Variants in SIPA1L1 observed in about 807,000 individuals in gnomAD.
The protein encoded by SIPA1L1 is signal-induced proliferation-associated 1-like protein 1.
Under a neutral mutation model 162.7 loss-of-function variants are expected in SIPA1L1, and 26 were observed. The ratio of observed to expected loss-of-function variants is 0.16; its 90% CI spans 0.12 to 0.22. The LOEUF (loss-of-function observed/expected upper bound fraction) is 0.22. Among genes scored for constraint, SIPA1L1 ranks in the 10% least tolerant of loss-of-function variants. The pLI is 1.00. For synonymous variants in SIPA1L1, 829 were observed against 837.4 expected (o/e 0.99, Z 0.17); for missense variants, 1,874 against 2,241.0 (o/e 0.84, Z 3.31).
chr14:71,738,968 CA>C, intron 23 of SIPA1L1, 49 bp from the exon 24 acceptor site: 1 of 1,581,666 alleles, frequency 6.3e-7, no homozygotes, highest in Non-Finnish European at 8.6e-7. Flanking sequence ...AAGAGCTGGG[CA>C]AGGTGGGGCC....
At chr14:71,669,158 C>G (rs905503648) in intron 10 of SIPA1L1, among the ~76,000 whole-genome samples, 2 of 152,170 alleles carry the variant, frequency 1.3e-5, no homozygotes, top group African/African-American at 4.8e-5. Flanking sequence ...ATTTCAGTGC[C>G]TGTATCATTT....
chr14:71,707,363 A>G (rs144400377), intron 16 of SIPA1L1, among the ~76,000 whole-genome samples: 1 of 152,298 alleles, frequency 6.6e-6, no homozygotes, highest in African/African-American at 2.4e-5. Context: ...CATAGTATTT[A>G]CCCATTTAAA....
At chr14:71,678,869 G>A (rs2045495673) in intron 12 of SIPA1L1, among the ~76,000 whole-genome samples, 1 of 151,960 alleles carries the variant, frequency 6.6e-6, no homozygotes, top group South Asian at 2.1e-4. Context: ...AGTCTTGGGA[G>A]AAGAGAAGTT....
chr14:71,541,981 G>C (rs1361585722), intron 4 of SIPA1L1, among the ~76,000 whole-genome samples: 1 of 152,118 alleles, frequency 6.6e-6, no homozygotes. Flanking sequence ...ATAACTTACT[G>C]ACTTTGGGGT....
At chr14:71,638,767 T>A (rs2041416680) in intron 7 of SIPA1L1, among the ~76,000 whole-genome samples, 1 of 152,226 alleles carries the variant, frequency 6.6e-6, no homozygotes, top group East Asian at 1.9e-4. Flanking sequence ...AATCTATAGA[T>A]AAACAACCTG....
At chr14:71,350,932 C>G (rs370935247) in intron 2 of SIPA1L1, among the ~76,000 whole-genome samples, 1 of 152,194 alleles carries the variant, frequency 6.6e-6, no homozygotes, top group African/African-American at 2.4e-5. Flanking sequence ...TGGATCTGCA[C>G]AAGCTGGAAG....
intron 21 of SIPA1L1, 67 bp downstream of exon 21, chr14:71,733,879 T>C (rs2085036247): frequency 2.0e-6 from 3 of 1,516,780 alleles, no homozygotes; most frequent in African/African-American, 1.4e-5. Flanking sequence ...CTCCATCCAC[T>C]CTACTTCTCT....
intron 23 of SIPA1L1, 92 bp downstream of exon 23, chr14:71,738,417 C>T (rs1156880741): frequency 1.1e-5 from 9 of 815,978 alleles, no homozygotes; most frequent in Admixed American, 6.5e-5. Flanking sequence ...TAAAATAAGA[C>T]GTGGGTGTCT....
At chr14:71,692,280 GT>G (rs1270989590) in intron 13 of SIPA1L1, among the ~76,000 whole-genome samples, 8 of 152,184 alleles carry the variant, frequency 5.3e-5, no homozygotes, top group Admixed American at 3.9e-4. Flanking sequence ...GAATTATTTG[GT>G]TTTTGTTGAC....
chr14:71,483,833 C>T (rs1242717342), intron 2 of SIPA1L1, among the ~76,000 whole-genome samples: 4 of 152,206 alleles, frequency 2.6e-5, no homozygotes, highest in African/African-American at 7.2e-5. Context: ...TCATCTATCA[C>T]TTCCTGCTTG....
At chr14:71,502,255 A>AAAAAT (rs67020418) in intron 2 of SIPA1L1, among the ~76,000 whole-genome samples, 5 of 97,552 alleles carry the variant, frequency 5.1e-5, no homozygotes, top group Admixed American at 3.3e-4. Context: ...AAAAAAAAAA[A>AAAAAT]ATATATATAT....
At position 71,357,080 on chromosome 14, in the gene SIPA1L1, G is replaced by A. The variant is rs12883231; in HGVS notation, c.-465+35899G>A. On this transcript the variant is annotated intron_variant, in intron 2 of 23. Coordinates refer to ENST00000381232, the MANE Select transcript of SIPA1L1 (RefSeq NM_001386936.1). ...AAAAATTTTATGTGTTAGAGACAGG[G>A]TCTTACTCTGGTCTCCTAGGGGGAA... 5.4e-3 allele frequency among the ~76,000 whole-genome samples: 818 copies of A among 152,206 alleles called. 7 individuals are homozygous for A. The highest frequency in any genetic ancestry group is 0.01 in the Middle Eastern group (3 of 294).
chr14:71,406,488 G>T (rs74912432), intron 2 of SIPA1L1, among the ~76,000 whole-genome samples: 2 of 152,046 alleles, frequency 1.3e-5, no homozygotes, highest in African/African-American at 4.8e-5. Context: ...CACCTTTCTC[G>T]TGTCTTCATG....
At chr14:71,443,668 G>T (rs193064304) in intron 2 of SIPA1L1, among the ~76,000 whole-genome samples, 1 of 152,174 alleles carries the variant, frequency 6.6e-6, no homozygotes, top group African/African-American at 2.4e-5. Flanking sequence ...CTTGTGTTAT[G>T]CTAAGCGGGT....
chr14:71,738,368 C>A, intron 23 of SIPA1L1, 43 bp downstream of exon 23: 1 of 1,369,686 alleles, frequency 7.3e-7, no homozygotes, highest in Non-Finnish European at 1.0e-6. Flanking sequence ...TCTGTACAAA[C>A]TACCCTTGAA....
chr14:71,421,673 T>C (rs1435770998), intron 2 of SIPA1L1, among the ~76,000 whole-genome samples: 1 of 152,204 alleles, frequency 6.6e-6, no homozygotes, highest in Non-Finnish European at 1.5e-5. Context: ...AGATTGGTTA[T>C]TTCTTTCCTC....
chr14:71,543,929 ATATG>A (rs1484556288), intron 4 of SIPA1L1, among the ~76,000 whole-genome samples: 37 of 136,092 alleles, frequency 2.7e-4, no homozygotes, highest in African/African-American at 9.8e-4. Context: ...TATCATACGT[ATATG>A]TGTGTATATA....
intron 5 of SIPA1L1, among the ~76,000 whole-genome samples, chr14:71,602,378 CTTA>C (rs1567288934): frequency 6.6e-6 from 1 of 151,960 alleles, no homozygotes; most frequent in Non-Finnish European, 1.5e-5. Context: ...TAGAGTTTCT[CTTA>C]TTATTGGTTT....
intron 4 of SIPA1L1, among the ~76,000 whole-genome samples, chr14:71,567,801 T>G (rs1055535687): frequency 6.7e-6 from 1 of 150,182 alleles, no homozygotes; most frequent in Admixed American, 6.6e-5. Flanking sequence ...TAGTTATTTC[T>G]TGATTATATA....
Sources: gnomAD v4.1 joint callset for allele counts (sites outside exome capture counted in the v4.1 genomes callset) on GRCh38, gnomAD v4.1.1 for gene constraint, MANE v1.5 for transcripts, NCBI Gene and HGNC (gene_info 2026-07-23, HGNC 2026-07-21) for gene names.